Variants in PIWIL2 observed in about 807,000 individuals in gnomAD.
PIWIL2 encodes piwi-like protein 2.
A neutral mutation model predicts 116.5 loss-of-function variants in PIWIL2; 81 were observed. That is an observed-to-expected ratio of 0.70 (90% confidence interval 0.58 to 0.84). PIWIL2 has a LOEUF of 0.84. Ranked by LOEUF, PIWIL2 falls within the 40% of genes least tolerant of loss-of-function variation. The pLI, the probability that PIWIL2 is intolerant of heterozygous loss-of-function variation, is 0.00. For missense variants in PIWIL2, 1,272 were observed against 1,212.3 expected (o/e 1.05, Z -0.73); for synonymous variants, 489 against 429.5 (o/e 1.14, Z -1.71).
intron 10 of PIWIL2, among the ~76,000 whole-genome samples, chr8:22,299,821 G>A (rs1254917172): frequency 6.6e-6 from 1 of 152,104 alleles, no homozygotes; most frequent in African/African-American, 2.4e-5. Flanking sequence ...TCCTCTGCAC[G>A]CCATGGGCAG....
chr8:22,290,033 G>T (rs1401076337), intron 9 of PIWIL2, 106 bp downstream of exon 9: 1 of 780,828 alleles, frequency 1.3e-6, no homozygotes, highest in Non-Finnish European at 2.2e-6. Context: ...TTATGGTAGT[G>T]AATACAGTTT....
chr8:22,278,594 A>G (rs1275984829), intron 1 of PIWIL2, among the ~76,000 whole-genome samples: 7 of 152,204 alleles, frequency 4.6e-5, no homozygotes, highest in African/African-American at 1.7e-4. Context: ...GGTAGAAAAT[A>G]TAAGTAAGTT....
In PIWIL2 at chr8:22,355,343, C is replaced by G; in HGVS notation, c.2766-6C>G. On this transcript the variant is annotated splice_polypyrimidine_tract_variant and splice_region_variant and intron_variant, in intron 22 of 22. Transcript: ENST00000356766. ...ATGAGAATTATATTTTCTTCTTGGCCTACAGGCTGACTTTCAAACTGTGCC... is the reference window on the plus strand; with the variant it reads ...ATGAGAATTATATTTTCTTCTTGGCGTACAGGCTGACTTTCAAACTGTGCC... 1 of 1,613,974 alleles carries G rather than the reference C, an allele frequency of 6.2e-7. No homozygotes were observed. Among genetic ancestry groups the G allele is most frequent in the Non-Finnish European group, 8.5e-7 (1 of 1,179,848 alleles).
chr8:22,323,179 G>T (rs1214122620), intron 20 of PIWIL2, among the ~76,000 whole-genome samples: 3 of 96,218 alleles, frequency 3.1e-5, no homozygotes, highest in African/African-American at 4.1e-5. Context: ...ACAGAGTCTT[G>T]CTCTGTCGCC....
intron 21 of PIWIL2, among the ~76,000 whole-genome samples, chr8:22,353,745 G>A: frequency 7.6e-6 from 1 of 130,836 alleles, no homozygotes; most frequent in African/African-American, 2.7e-5. Context: ...TCTACAGGAA[G>A]ATAAGGGAGT....
At chr8:22,301,543 C>T (rs935032518) in intron 10 of PIWIL2, among the ~76,000 whole-genome samples, 1 of 152,146 alleles carries the variant, frequency 6.6e-6, no homozygotes, top group African/African-American at 2.4e-5. Flanking sequence ...ATCCCCCCGC[C>T]TCAGCCTCCC....
chr8:22,293,643 C>T (rs1830817834), intron 10 of PIWIL2, among the ~76,000 whole-genome samples: 2 of 152,158 alleles, frequency 1.3e-5, no homozygotes, highest in African/African-American at 4.8e-5. Flanking sequence ...GTGTTTCAAA[C>T]TCTATGGATT....
intron 9 of PIWIL2, 94 bp from the exon 10 acceptor site, chr8:22,290,139 A>G: frequency 1.3e-6 from 1 of 753,700 alleles, no homozygotes; most frequent in Non-Finnish European, 2.2e-6. Flanking sequence ...CTATTAGGGA[A>G]GGGCAGTATC....
intron 15 of PIWIL2, among the ~76,000 whole-genome samples, chr8:22,310,626 TTAA>T (rs1450029089): frequency 4.7e-5 from 7 of 150,042 alleles, no homozygotes; most frequent in African/African-American, 1.5e-4. Context: ...GAGTTTTTTT[TTAA>T]TTAAATAGAC....
At chr8:22,288,469 G>T in intron 7 of PIWIL2, 73 bp from the exon 8 acceptor site, 2 of 1,234,372 alleles carry the variant, frequency 1.6e-6, no homozygotes, top group South Asian at 1.4e-5. Context: ...GAACACAGTT[G>T]AATTAGATTA....
chr8:22,290,951 A>G (rs757542701), intron 10 of PIWIL2, among the ~76,000 whole-genome samples: 1 of 151,378 alleles, frequency 6.6e-6, no homozygotes, highest in African/African-American at 2.4e-5. Flanking sequence ...GTGTTACTGT[A>G]GTAAATACAG....
At chr8:22,338,435 A>G (rs1266285006) in intron 20 of PIWIL2, among the ~76,000 whole-genome samples, 2 of 152,180 alleles carry the variant, frequency 1.3e-5, no homozygotes, top group Non-Finnish European at 2.9e-5. Flanking sequence ...TCACGCCTGT[A>G]ATCTTAGCAC....
intron 20 of PIWIL2, among the ~76,000 whole-genome samples, chr8:22,333,973 GTT>G (rs777729511): frequency 1.4e-5 from 2 of 141,830 alleles, no homozygotes; most frequent in African/African-American, 2.6e-5. Context: ...GTTTTTTTGT[GTT>G]TTTTTTTTTT....
intron 6 of PIWIL2, among the ~76,000 whole-genome samples, chr8:22,284,698 A>G (rs959237456): frequency 7.2e-6 from 1 of 139,240 alleles, no homozygotes; most frequent in African/African-American, 2.7e-5. Context: ...CCTTTCCTGC[A>G]TGAGCCATCA....
At chr8:22,339,642 A>G (rs1365581485) in intron 20 of PIWIL2, among the ~76,000 whole-genome samples, 4 of 152,218 alleles carry the variant, frequency 2.6e-5, no homozygotes, top group African/African-American at 9.6e-5. Context: ...ATTTGATGAA[A>G]ATTAAAACCT....
chr8:22,340,640 T>C (rs767951402), intron 20 of PIWIL2, among the ~76,000 whole-genome samples: 1 of 152,186 alleles, frequency 6.6e-6, no homozygotes, highest in African/African-American at 2.4e-5. Context: ...ATTGGAAGAA[T>C]GTATCTGCAA....
rs1289322574 is a variant in PIWIL2 at position 22,294,602 on chromosome 8, G to C, written c.1181+4256G>C. ...CTTGCAGTGAGCCGAGATTGTGCCA[G>C]TGCACTCCAGCCTGGGCGACAGAGT... On this transcript the variant is annotated intron_variant, in intron 10 of 22. Transcript: ENST00000356766. Among the ~76,000 whole-genome samples the C allele has an allele frequency of 3.7e-4, 48 of 130,634 alleles. No individual in the cohort carries two copies. In the East Asian group the frequency reaches 1.0e-2, roughly 27 times the overall value. The allele number at this position is 130,634 out of a possible 152,430, so 85.7% of individuals were successfully genotyped here.
intron 2 of PIWIL2, 141 bp downstream of exon 2, chr8:22,279,725 G>C: frequency 1.4e-6 from 1 of 721,334 alleles, no homozygotes; most frequent in Non-Finnish European, 2.3e-6. Flanking sequence ...GGCCGAGGCA[G>C]GTGGATCATC....
At chr8:22,342,143 C>G (rs1832125186) in intron 20 of PIWIL2, among the ~76,000 whole-genome samples, 2 of 132,946 alleles carry the variant, frequency 1.5e-5, no homozygotes, top group South Asian at 6.1e-4. Flanking sequence ...AACTACAAAA[C>G]TGATGAAAAA....
Sources: allele counts gnomAD v4.1 joint callset (sites outside exome capture counted in the v4.1 genomes callset), GRCh38; gene constraint gnomAD v4.1.1; transcripts MANE v1.5; gene names NCBI Gene and HGNC (gene_info 2026-07-23, HGNC 2026-07-21).